The following THNSL1 variants were observed in gnomAD, a reference collection of about 807,000 sequenced individuals.
THNSL1 encodes threonine synthase like 1, also known as threonine synthase-like 1.
Under a neutral mutation model 50.4 loss-of-function variants are expected in THNSL1, and 48 were observed. The observed-to-expected ratio is 0.95, with a 90% CI of 0.76 to 1.21. THNSL1 has a LOEUF of 1.21. THNSL1 is among the 50% of genes most tolerant of loss of function. The pLI is 0.00. For missense variants in THNSL1, 896 were observed against 871.7 expected (o/e 1.03, Z -0.35); for synonymous variants, 309 against 306.1 (o/e 1.01, Z -0.10).
the THNSL1 span, among the ~76,000 whole-genome samples, chr10:25,003,244 T>C: frequency 6.6e-6 from 1 of 152,106 alleles, no homozygotes; most frequent in African/African-American, 2.4e-5. Flanking sequence ...TGCAGTGGTG[T>C]TGCCCAGGCT....
chr10:25,023,423 G>A lies in THNSL1; in HGVS notation c.200G>A (p.Gly67Glu), dbSNP rs1431687777. 1.9e-6 allele frequency: 3 copies of A among 1,613,968 alleles called. No individual in the cohort carries two copies. The African/African-American group carries it at 4.0e-5, about 22-fold the overall frequency. The change falls in exon 3 of 3, where the codon GGG becomes GAG. Residue 67 changes from glycine to glutamate, a missense_variant. Coordinates refer to ENST00000376356, the MANE Select transcript of THNSL1 (RefSeq NM_024838.5). ...NIILMGPPGA[G>E]KTTVGRIIGQ... ...ATCCTGATGGGACCTCCTGGTGCTGGGAAAACAACAGTAGGCAGAATAATA... is the reference window on the plus strand; with the variant it reads ...ATCCTGATGGGACCTCCTGGTGCTGAGAAAACAACAGTAGGCAGAATAATA...
chr10:24,989,269 T>C, the THNSL1 span, among the ~76,000 whole-genome samples: 1 of 152,210 alleles, frequency 6.6e-6, no homozygotes, highest in Non-Finnish European at 1.5e-5. Flanking sequence ...CAGCCTTCCT[T>C]CCTGCCTGTC....
At chr10:24,964,695 A>AC in the THNSL1 span, among the ~76,000 whole-genome samples, 1 of 152,230 alleles carries the variant, frequency 6.6e-6, no homozygotes, top group Non-Finnish European at 1.5e-5. Flanking sequence ...TATCCACAGT[A>AC]ATGATATTTT....
the THNSL1 span, among the ~76,000 whole-genome samples, chr10:24,956,513 G>A: frequency 8.5e-6 from 1 of 118,022 alleles, no homozygotes; most frequent in Non-Finnish European, 1.8e-5. Flanking sequence ...TTTTTTTTTA[G>A]TTTTATTTTT....
chr10:24,987,708 G>A, the THNSL1 span, among the ~76,000 whole-genome samples: 1 of 152,162 alleles, frequency 6.6e-6, no homozygotes, highest in South Asian at 2.1e-4. Flanking sequence ...CTGCAAGTAT[G>A]TGTTCTGTAG....
At chr10:24,961,505 C>G in the THNSL1 span, among the ~76,000 whole-genome samples, 1 of 151,844 alleles carries the variant, frequency 6.6e-6, no homozygotes, top group Non-Finnish European at 1.5e-5. Flanking sequence ...TGATATATAT[C>G]TTGCTAAATT....
chr10:24,988,688 A>ATATATATATATGTG, the THNSL1 span, among the ~76,000 whole-genome samples: 1 of 29,166 alleles, frequency 3.4e-5, no homozygotes, highest in African/African-American at 1.9e-4. Context: ...ATATATATAT[A>ATATATATATATGTG]TATATATATA....
chr10:24,976,530 T>C, the THNSL1 span, among the ~76,000 whole-genome samples: 1 of 152,056 alleles, frequency 6.6e-6, no homozygotes, highest in South Asian at 2.1e-4. Flanking sequence ...ATTCTTGTTG[T>C]CCAGGCTGGA....
chr10:24,954,329 T>C, the THNSL1 span, among the ~76,000 whole-genome samples: 1 of 152,030 alleles, frequency 6.6e-6, no homozygotes, highest in Non-Finnish European at 1.5e-5. Context: ...TGTGGGTGGC[T>C]CATGACCCAT....
chr10:24,981,922 T>C, the THNSL1 span: 1 of 152,208 alleles, frequency 6.6e-6, no homozygotes, highest in South Asian at 2.1e-4. Flanking sequence ...GCAGTCAAAT[T>C]CTCTATCCTC....
the THNSL1 span, chr10:24,952,519 T>C: frequency 6.3e-7 from 1 of 1,584,226 alleles, no homozygotes; most frequent in Non-Finnish European, 8.6e-7. This position sits in a 1 kb window ranked among gnomAD's most constrained non-coding sequence, Gnocchi z 5.1. Flanking sequence ...ATAGGGAGTT[T>C]GCATTTACCA....
the THNSL1 span, among the ~76,000 whole-genome samples, chr10:24,962,791 C>T: frequency 8.5e-5 from 13 of 152,154 alleles, no homozygotes; most frequent in African/African-American, 2.9e-4. Flanking sequence ...GATCATGATC[C>T]TTCTGAACCT....
the THNSL1 span, chr10:24,984,992 C>A: frequency 9.7e-7 from 1 of 1,028,862 alleles, no homozygotes; most frequent in South Asian, 1.4e-5. Flanking sequence ...TGAAAAATGT[C>A]AATAAGTAAA....
the THNSL1 span, among the ~76,000 whole-genome samples, chr10:24,988,356 G>GTGTATATATATTTATATATGTATATA: frequency 7.1e-6 from 1 of 141,520 alleles, no homozygotes; most frequent in East Asian, 2.0e-4. Context: ...ATTTATATAT[G>GTGTATATATATTTATATATGTATATA]TGTATATATA....
the THNSL1 span, chr10:24,984,352 A>G: frequency 1.3e-6 from 2 of 1,597,444 alleles, no homozygotes; most frequent in African/African-American, 2.7e-5. Flanking sequence ...AACAGTTTTC[A>G]AAGTTGTGCT....
chr10:25,022,928 A>C (rs947321884), intron 2 of THNSL1, among the ~76,000 whole-genome samples: 7 of 152,202 alleles, frequency 4.6e-5, no homozygotes, highest in African/African-American at 1.4e-4. Context: ...TTATAGTTAC[A>C]AATTTTGTCA....
upstream of THNSL1, among the ~76,000 whole-genome samples, chr10:25,014,448 A>G (rs145775960): frequency 1.1e-3 from 175 of 152,336 alleles, 2 homozygotes; most frequent in East Asian, 0.027. Flanking sequence ...ATACTAGTGC[A>G]ATATTATACA....
At chr10:24,977,074 A>C in the THNSL1 span, among the ~76,000 whole-genome samples, 59 of 152,302 alleles carry the variant, frequency 3.9e-4, 1 homozygote, top group Admixed American at 3.1e-3. Flanking sequence ...TGAGATCCAC[A>C]ATATTGATGG....
chr10:24,979,951 C>T, the THNSL1 span, among the ~76,000 whole-genome samples: 13 of 152,296 alleles, frequency 8.5e-5, no homozygotes, highest in African/African-American at 1.7e-4. Context: ...CCTCTTCCCC[C>T]GTTCAATCCA....
Sources: gnomAD v4.1 joint callset for allele counts (sites outside exome capture counted in the v4.1 genomes callset) on GRCh38, gnomAD v4.1.1 for gene constraint, Gnocchi (gnomAD v3.1) non-coding constraint, MANE v1.5 for transcripts, NCBI Gene and HGNC (gene_info 2026-07-23, HGNC 2026-07-21) for gene names.